The following COL19A1 variants were observed in gnomAD, a reference collection of about 807,000 sequenced individuals.
COL19A1 encodes collagen alpha-1(XIX) chain.
In COL19A1, 159 loss-of-function variants were observed where a neutral mutation model predicts 190.2. That is an observed-to-expected ratio of 0.84 (90% CI 0.73 to 0.95). COL19A1 has a LOEUF of 0.95. COL19A1 is among the 40% of genes least tolerant of loss of function. The probability of loss-of-function intolerance (pLI) is 0.00; values close to 1 mark genes in which losing one functional copy is unlikely to be tolerated. For missense variants in COL19A1, 1,418 were observed against 1,431.9 expected, an observed-to-expected ratio of 0.99 and a Z score of 0.16; for synonymous variants, 509 against 458.9, an observed-to-expected ratio of 1.11 and a Z score of -1.39.
In COL19A1 at chr6:70,210,191, C is replaced by T. The variant is rs1768103111; in HGVS notation, c.*2917C>T. On this transcript the variant is annotated 3_prime_UTR_variant, in exon 51 of 51. Coordinates refer to ENST00000620364, the MANE Select transcript of COL19A1 (RefSeq NM_001858.6). ...ATATTAAAACTGTGATTTCCATATACAAGTATGTTTGAGTTCCAATCTTAC... is the reference window on the plus strand; with the variant it reads ...ATATTAAAACTGTGATTTCCATATATAAGTATGTTTGAGTTCCAATCTTAC... Among the ~76,000 whole-genome samples, 1 of 151,884 alleles carries T rather than the reference C, an allele frequency of 6.6e-6. No individual in the cohort carries two copies. The highest frequency in any genetic ancestry group is 1.5e-5 in the Non-Finnish European group (1 of 68,006).
At chr6:70,178,167 C>A (rs996032060) in intron 42 of COL19A1, among the ~76,000 whole-genome samples, 7 of 152,202 alleles carry the variant, frequency 4.6e-5, no homozygotes, top group Non-Finnish European at 1.0e-4. Flanking sequence ...ATGGGCAGAA[C>A]ACTTGAGCCC....
At chr6:69,991,574 G>A (rs1045855894) in intron 11 of COL19A1, among the ~76,000 whole-genome samples, 1 of 152,004 alleles carries the variant, frequency 6.6e-6, no homozygotes, top group Admixed American at 6.6e-5. Context: ...TTTAATAATA[G>A]CCATCCTGAT....
At position 69,982,744 on chromosome 6, in the gene COL19A1, G is replaced by A. The variant is rs569794974; in HGVS notation, c.1026+19874G>A. ...TCCCAGCACTTTGGGAGGCCGAGAC[G>A]GGCAGATCACGACGTCAGGAGATCG... On this transcript the variant is annotated intron_variant, in intron 11 of 50. Transcript: ENST00000620364. 8.0e-5 allele frequency among the ~76,000 whole-genome samples: 12 copies of A among 150,664 alleles called. No homozygotes were observed. The South Asian group carries it at 1.1e-3, about 13-fold the overall frequency.
intron 20 of COL19A1, 125 bp from the exon 21 acceptor site, chr6:70,141,768 A>G (rs1244582685): frequency 4.6e-6 from 3 of 647,576 alleles, no homozygotes; most frequent in Non-Finnish European, 8.2e-6. Context: ...CCTTGATTTT[A>G]TTGTGTCTTC....
intron 15 of COL19A1, among the ~76,000 whole-genome samples, chr6:70,088,746 G>A (rs981282520): frequency 2.6e-5 from 4 of 152,100 alleles, no homozygotes; most frequent in Non-Finnish European, 5.9e-5. Flanking sequence ...TCGAGGGCAA[G>A]ATCTGTGTAT....
chr6:70,145,002 G>A lies in COL19A1; in HGVS notation c.1765G>A (p.Glu589Lys), dbSNP rs1470681273. ...AGPPGKSLPG[E>K]PGLDGNPGAP... ...TCCTCCAGGGAAAAGCCTGCCAGGG[G>A]AACCAGTAAGTATTAGCCCTTTTGT... Residue 589 changes from glutamate (E) to lysine (K), a missense_variant, in exon 25 of 51, where the codon GAA becomes AAA. Physicochemically the swap from Glu to Lys is moderately conservative, Grantham distance 56. Coordinates refer to ENST00000620364, the MANE Select transcript of COL19A1 (RefSeq NM_001858.6). The A allele has an allele frequency of 5.1e-6, 8 of 1,581,784 alleles. No homozygotes were observed. Among genetic ancestry groups the A allele is most frequent in the Non-Finnish European group, 6.9e-6 (8 of 1,161,972 alleles).
Position 70,176,512 on chromosome 6 carries a change from C to A in COL19A1, c.2623-8C>A, listed in dbSNP as rs1341567213. Reference sequence around the variant, plus strand: ...CATTAAAGTAGCAATGTTTTTAAATCCCAACAGGGAGATCGAGGCCCAGCA... The same window carrying A: ...CATTAAAGTAGCAATGTTTTTAAATACCAACAGGGAGATCGAGGCCCAGCA... On this transcript the variant is annotated splice_region_variant and splice_polypyrimidine_tract_variant and intron_variant, in intron 41 of 50. Coordinates refer to ENST00000620364, the MANE Select transcript of COL19A1 (RefSeq NM_001858.6). 1 of 1,613,096 alleles carries A rather than the reference C, an allele frequency of 6.2e-7. No homozygotes were observed. The highest frequency in any genetic ancestry group is 8.5e-7 in the Non-Finnish European group (1 of 1,179,504).
In COL19A1 at chr6:69,936,895, G is replaced by A; in HGVS notation, c.858G>A (p.Gln286=). The stretch of plus-strand genomic sequence containing the variant: ...AGCAGGAACTTAAAGACCAGTGCCA[G>A]TGCATTCCAAACAAGGTATGCTAGT... The part of the protein sequence containing the change: ...PAKQELKDQC[Q]CIPNKGEAGL... Residue 286 remains glutamine (Q), a synonymous_variant, in exon 8 of 51, where the codon CAG becomes CAA. Coordinates refer to ENST00000620364, the MANE Select transcript of COL19A1 (RefSeq NM_001858.6). 6.2e-7 allele frequency: 1 copy of A among 1,612,980 alleles called. No homozygotes were observed. Among genetic ancestry groups the A allele is most frequent in the East Asian group, 2.2e-5 (1 of 44,872 alleles).
intron 4 of COL19A1, among the ~76,000 whole-genome samples, chr6:69,921,058 T>TATATATTCATAGACATATC (rs1554165922): frequency 0.05 from 2,501 of 49,764 alleles, 100 homozygotes; most frequent in African/African-American, 0.16. Context: ...AGACATATCA[T>TATATATTCATAGACATATC]ATATATTCAT....
chr6:70,142,810 C>T lies in COL19A1; in HGVS notation c.1616C>T (p.Pro539Leu). 6.2e-7 allele frequency: 1 copy of T among 1,612,266 alleles called. No homozygotes were observed. The highest frequency in any genetic ancestry group is 8.5e-7 in the Non-Finnish European group (1 of 1,178,942). Residue 539 changes from proline to leucine, a missense_variant, in exon 23 of 51, where the codon CCA becomes CTA. Physicochemically the swap from Pro to Leu is moderately conservative, Grantham distance 98 (BLOSUM62 -3). Transcript: ENST00000620364. Reference protein sequence around the residue: ...SAGSMGPRGPPGDVGLPGEHG... With the variant: ...SAGSMGPRGPLGDVGLPGEHG... ...GGCTCCATGGGACCCAGAGGACCGC[C>T]AGGAGATGTTGTATGTATAATGTCT...
intron 9 of COL19A1, among the ~76,000 whole-genome samples, chr6:69,940,551 A>G (rs1035838760): frequency 2.0e-5 from 3 of 152,226 alleles, no homozygotes; most frequent in African/African-American, 7.2e-5. Flanking sequence ...TGTATCTTAG[A>G]GTAACAATGC....
chr6:70,190,433 A>C, intron 48 of COL19A1, 52 bp downstream of exon 48: 4 of 1,194,232 alleles, frequency 3.3e-6, no homozygotes, highest in South Asian at 2.5e-5. Flanking sequence ...CCCACCTCCC[A>C]CCTACTATGG....
intron 10 of COL19A1, among the ~76,000 whole-genome samples, chr6:69,960,623 C>CTTTTT (rs35552190): frequency 2.9e-4 from 32 of 109,850 alleles, no homozygotes; most frequent in Non-Finnish European, 3.9e-4. Context: ...TGTGCCCCCA[C>CTTTTT]TTTTTTTTTT....
At chr6:70,163,423 T>A (rs746351170) in intron 36 of COL19A1, 27 bp downstream of exon 36, 6 of 1,605,110 alleles carry the variant, frequency 3.7e-6, no homozygotes, top group Non-Finnish European at 5.1e-6. Context: ...TCACTTACCA[T>A]CCAAACTGGG....
intron 9 of COL19A1, among the ~76,000 whole-genome samples, chr6:69,946,593 C>T (rs1582486703): frequency 6.6e-6 from 1 of 151,848 alleles, no homozygotes; most frequent in Admixed American, 6.6e-5. Flanking sequence ...GAACTTGAAG[C>T]ACAAACTTTG....
chr6:70,032,204 G>A (rs1190777680), intron 12 of COL19A1, among the ~76,000 whole-genome samples: 2 of 152,168 alleles, frequency 1.3e-5, no homozygotes, highest in Non-Finnish European at 2.9e-5. Context: ...AGAGGATGAA[G>A]AACTTGATCT....
At position 70,144,205 on chromosome 6, in the gene COL19A1, T is replaced by C; in HGVS notation, c.1627-5T>C. On this transcript the variant is annotated splice_region_variant and splice_polypyrimidine_tract_variant and intron_variant, in intron 23 of 50. Transcript: ENST00000620364. ...ACTCTTTCCTATTAACTCTGAGTTT[T>C]CTAGGGATTGCCAGGAGAACATGGT... 3 of 1,611,612 alleles carry C rather than the reference T, an allele frequency of 1.9e-6. No homozygotes were observed. Among genetic ancestry groups the C allele is most frequent in the Non-Finnish European group, 2.5e-6 (3 of 1,178,270 alleles).
chr6:70,043,895 C>T (rs1779766020), intron 14 of COL19A1, among the ~76,000 whole-genome samples: 1 of 152,188 alleles, frequency 6.6e-6, no homozygotes, highest in African/African-American at 2.4e-5. Context: ...TCCTGTGAAG[C>T]TTTGAAGTCA....
At chr6:70,204,693 G>A (rs1201858667) in intron 49 of COL19A1, among the ~76,000 whole-genome samples, 1 of 152,134 alleles carries the variant, frequency 6.6e-6, no homozygotes, top group Non-Finnish European at 1.5e-5. Flanking sequence ...ATTTGGAATT[G>A]CGTTACACTC....
Sources: gnomAD v4.1 joint callset for allele counts (sites outside exome capture counted in the v4.1 genomes callset) on GRCh38, gnomAD v4.1.1 for gene constraint, MANE v1.5 for transcripts, NCBI Gene and HGNC (gene_info 2026-07-23, HGNC 2026-07-21) for gene names.